Variants in LRP12 observed in about 807,000 individuals in gnomAD.
The protein encoded by LRP12 is LDL receptor related protein 12, also known as low-density lipoprotein receptor-related protein 12.
A neutral mutation model predicts 66.0 loss-of-function variants in LRP12; 14 were observed. The ratio of observed to expected loss-of-function variants is 0.21; its 90% CI spans 0.14 to 0.33. LRP12 has a LOEUF of 0.33. Ranked by LOEUF, LRP12 falls within the 10% of genes least tolerant of loss-of-function variation. The pLI is 1.00. For missense variants in LRP12, 889 were observed against 1,053.4 expected, an observed-to-expected ratio of 0.84 and a Z score of 2.16; for synonymous variants, 357 against 359.1, an observed-to-expected ratio of 0.99 and a Z score of 0.07.
At chr8:104,541,581 C>G (rs1811477409) in intron 1 of LRP12, among the ~76,000 whole-genome samples, 1 of 152,136 alleles carries the variant, frequency 6.6e-6, no homozygotes, top group South Asian at 2.1e-4. Context: ...AGTTGTACAA[C>G]CATCACCACC....
In LRP12 at chr8:104,490,778, G is replaced by C. The variant is rs767018197; in HGVS notation, c.2475C>G (p.Pro825=). The C allele has an allele frequency of 6.2e-7, 1 of 1,614,092 alleles. No homozygotes were observed. The highest frequency in any genetic ancestry group is 8.5e-7 in the Non-Finnish European group (1 of 1,179,998). Residue 825 remains proline, a synonymous_variant, in exon 7 of 7, where the codon CCC becomes CCG. Transcript: ENST00000276654. ...PGVRPSNRDG[P]CERCGIVHTA... ...TGTGGACAATACCACAGCGCTCACA[G>C]GGGCCATCTCGATTACTTGGCCTTA...
At chr8:104,520,702 C>A in intron 2 of LRP12, among the ~76,000 whole-genome samples, 1 of 152,104 alleles carries the variant, frequency 6.6e-6, no homozygotes, top group East Asian at 1.9e-4. Context: ...CCCTTACTTA[C>A]ATCAGGCTGT....
In LRP12 at chr8:104,588,847, C is replaced by A. The variant is rs1016840462; in HGVS notation, c.51G>T (p.Leu17Phe). 7 of 1,612,530 alleles carry A rather than the reference C, an allele frequency of 4.3e-6. No individual in the cohort carries two copies. Among genetic ancestry groups the A allele is most frequent in the Non-Finnish European group, 5.9e-6 (7 of 1,179,356 alleles). ...TKESPRWRSALLLLFLAGVYG... is the reference protein window; with the variant it reads ...TKESPRWRSAFLLLFLAGVYG... ...ACACCCCAGCGAGGAAAAGCAAGAG[C>A]AACGCAGACCTCCACCGCGGAGACT... Residue 17 changes from leucine (L) to phenylalanine (F), a missense_variant, in exon 1 of 7, where the codon TTG becomes TTT. Around this residue, in one of 3 missense-constraint regions of LRP12, gnomAD observed 88 missense variants for 72.5 expected, o/e 1.21. Coordinates refer to ENST00000276654, the MANE Select transcript of LRP12 (RefSeq NM_013437.5).
intron 1 of LRP12, among the ~76,000 whole-genome samples, chr8:104,559,487 C>CTACA (rs2140886246): frequency 6.6e-6 from 1 of 152,134 alleles, no homozygotes; most frequent in East Asian, 1.9e-4. Flanking sequence ...CGATAAAAGA[C>CTACA]TACACACTGG....
rs1810950485 is a variant in LRP12, at chr8:104,509,016, G to C, written c.195C>G (p.Gly65=). 1 of 1,613,896 alleles carries C rather than the reference G, an allele frequency of 6.2e-7. No homozygotes were observed. The highest frequency in any genetic ancestry group is 8.5e-7 in the Non-Finnish European group (1 of 1,179,842). The part of the protein sequence containing the change: ...RAPSGIITSP[G]WPSEYPAKIN... The stretch of plus-strand genomic sequence containing the variant: ...TTTTTGCAGGATATTCAGAAGGCCA[G>C]CCTGGGCTTGTGATTATGCCACTTG... The change falls in exon 3 of 7, where the codon GGC becomes GGG. Residue 65 remains glycine, a synonymous_variant. Coordinates refer to ENST00000276654, the MANE Select transcript of LRP12 (RefSeq NM_013437.5).
chr8:104,581,883 AT>A (rs1033235366), intron 1 of LRP12, among the ~76,000 whole-genome samples: 5 of 152,212 alleles, frequency 3.3e-5, no homozygotes, highest in African/African-American at 1.2e-4. Context: ...TAATCATGGC[AT>A]TTTTTGTATA....
intron 2 of LRP12, among the ~76,000 whole-genome samples, chr8:104,520,528 A>C (rs952609605): frequency 1.3e-5 from 2 of 151,992 alleles, no homozygotes; most frequent in Non-Finnish European, 2.9e-5. Flanking sequence ...TTTTTAGTAT[A>C]CTCACATCTT....
At chr8:104,538,792 G>C (rs1403229005) in intron 1 of LRP12, among the ~76,000 whole-genome samples, 1 of 152,140 alleles carries the variant, frequency 6.6e-6, no homozygotes, top group East Asian at 1.9e-4. Context: ...GCCACATGTA[G>C]CTATTAATCA....
intron 1 of LRP12, among the ~76,000 whole-genome samples, chr8:104,543,390 C>T (rs929149561): frequency 2.6e-5 from 4 of 152,010 alleles, no homozygotes; most frequent in African/African-American, 4.8e-5. Context: ...TTTGATGTTA[C>T]GACTGTAATT....
intron 1 of LRP12, among the ~76,000 whole-genome samples, chr8:104,553,613 G>A (rs913443391): frequency 2.6e-5 from 4 of 152,062 alleles, no homozygotes; most frequent in African/African-American, 7.2e-5. Context: ...GTTTGAGCTC[G>A]GCCACACCTA....
intron 5 of LRP12, among the ~76,000 whole-genome samples, 179 bp downstream of exon 5, chr8:104,496,793 T>TA (rs1483555222): frequency 6.6e-6 from 1 of 152,226 alleles, no homozygotes; most frequent in African/African-American, 2.4e-5. Context: ...ATTTAGTTTG[T>TA]AATGTGTCTG....
At chr8:104,561,768 T>C (rs1011735579) in intron 1 of LRP12, among the ~76,000 whole-genome samples, 2 of 152,202 alleles carry the variant, frequency 1.3e-5, no homozygotes, top group Non-Finnish European at 2.9e-5. Context: ...TTTTGGTCAC[T>C]GGGAGTCCCC....
intron 1 of LRP12, among the ~76,000 whole-genome samples, chr8:104,544,405 A>G (rs1811525509): frequency 6.6e-6 from 1 of 152,222 alleles, no homozygotes; most frequent in African/African-American, 2.4e-5. Flanking sequence ...GAAGGTGGCT[A>G]CACGAGGCAA....
At chr8:104,587,032 C>A (rs976866441) in intron 1 of LRP12, among the ~76,000 whole-genome samples, 1 of 152,158 alleles carries the variant, frequency 6.6e-6, no homozygotes, top group African/African-American at 2.4e-5. Flanking sequence ...CAGAAAGTCA[C>A]TTTGTGTACA....
In LRP12 at chr8:104,495,090, C is replaced by T; in HGVS notation, c.1700G>A (p.Cys567Tyr). ...LIPPVEDFPV[C>Y]SPNQASVLEN... ...ATTGCAATATACCTGATTAGGTGAA[C>T]AAACAGGAAAATCTTCAACTGGTGG... The change falls in exon 6 of 7, where the codon TGT (cysteine) becomes TAT (tyrosine). Residue 567 changes from cysteine (C) to tyrosine (Y), a missense_variant. Around this residue, in one of 3 missense-constraint regions of LRP12, gnomAD observed 800 missense variants for 964.5 expected, o/e 0.83. Coordinates refer to ENST00000276654, the MANE Select transcript of LRP12 (RefSeq NM_013437.5). 2 of 1,613,396 alleles carry T rather than the reference C, an allele frequency of 1.2e-6. No individual in the cohort carries two copies. Among genetic ancestry groups the T allele is most frequent in the Non-Finnish European group, 1.7e-6 (2 of 1,179,680 alleles).
intron 1 of LRP12, among the ~76,000 whole-genome samples, chr8:104,559,077 T>C (rs1811860811): frequency 6.6e-6 from 1 of 152,170 alleles, no homozygotes; most frequent in Non-Finnish European, 1.5e-5. Context: ...CAAGTAGATC[T>C]ACCATTTGAT....
At chr8:104,511,171 G>A (rs574596156) in intron 2 of LRP12, among the ~76,000 whole-genome samples, 3 of 149,632 alleles carry the variant, frequency 2.0e-5, no homozygotes, top group African/African-American at 7.4e-5. Context: ...AGCCTCCCGA[G>A]TAAGTAGGAC....
At chr8:104,564,051 T>C (rs997518366) in intron 1 of LRP12, among the ~76,000 whole-genome samples, 1 of 152,196 alleles carries the variant, frequency 6.6e-6, no homozygotes, top group Non-Finnish European at 1.5e-5. Flanking sequence ...TCATATAGCA[T>C]AGCTTGCTAT....
At chr8:104,558,998 C>G (rs1437066864) in intron 1 of LRP12, among the ~76,000 whole-genome samples, 1 of 152,088 alleles carries the variant, frequency 6.6e-6, no homozygotes, top group African/African-American at 2.4e-5. Flanking sequence ...AACACTTTTA[C>G]ATTGCCAGTG....
Sources: allele counts gnomAD v4.1 joint callset (sites outside exome capture counted in the v4.1 genomes callset), GRCh38; gene constraint gnomAD v4.1.1; regional missense constraint gnomAD v4.1.1; transcripts MANE v1.5; gene names NCBI Gene and HGNC (gene_info 2026-07-23, HGNC 2026-07-21).